Variants in MYO3B observed in about 807,000 individuals in gnomAD.
MYO3B encodes myosin IIIB.
A neutral mutation model predicts 174.6 loss-of-function variants in MYO3B; 156 were observed. The observed-to-expected ratio is 0.89, with a 90% CI of 0.78 to 1.02. The LOEUF (loss-of-function observed/expected upper bound fraction) is 1.02. Among genes scored for constraint, MYO3B ranks in the 50% least tolerant of loss-of-function variants. The pLI, the probability that MYO3B is intolerant of heterozygous loss-of-function variation, is 0.00. For synonymous variants in MYO3B, 563 were observed against 569.1 expected, an observed-to-expected ratio of 0.99 and a Z score of 0.15; for missense variants, 1,632 against 1,639.4, an observed-to-expected ratio of 1.00 and a Z score of 0.08.
At chr2:170,345,068 C>G (rs1446557691) in intron 8 of MYO3B, 1 of 152,238 alleles carries the variant, frequency 6.6e-6, no homozygotes, top group Non-Finnish European at 1.5e-5. Flanking sequence ...CTTGCCTGCT[C>G]TTCCAGTCTC....
chr2:170,653,221 T>C lies in MYO3B; in HGVS notation c.*100T>C, dbSNP rs886135851. The C allele has an allele frequency of 1.2e-5, 18 of 1,448,016 alleles. No individual in the cohort carries two copies. The African/African-American group carries it at 2.0e-4, about 16-fold the overall frequency. 89.7% of individuals were successfully genotyped at this position (1,448,016 alleles called of 1,614,324 possible). ...AAGCACTGATATGGGGTCAGCTTCT[T>C]TGGACATATGGTCCATGCCTGAACC... On this transcript the variant is annotated 3_prime_UTR_variant, in exon 35 of 35. Transcript: ENST00000408978.
At chr2:170,251,387 T>G (rs1205600934) in intron 7 of MYO3B, among the ~76,000 whole-genome samples, 1 of 152,094 alleles carries the variant, frequency 6.6e-6, no homozygotes, top group African/African-American at 2.4e-5. Context: ...GCACCATTTT[T>G]AGGAAAATGG....
chr2:170,311,089 GTGTGTATGCT>G (rs2093736122), intron 7 of MYO3B, among the ~76,000 whole-genome samples: 1 of 152,166 alleles, frequency 6.6e-6, no homozygotes, highest in African/African-American at 2.4e-5. Flanking sequence ...GAACATGCAT[GTGTGTATGCT>G]TGTTTGAATA....
chr2:170,411,812 T>C (rs558945307), intron 22 of MYO3B: 1 of 152,310 alleles, frequency 6.6e-6, no homozygotes, highest in African/African-American at 2.4e-5. Flanking sequence ...CCCCTTCTGC[T>C]TACACCTGGC....
In MYO3B at chr2:170,381,997, T is replaced by C; in HGVS notation, c.972-19T>C. The C allele has an allele frequency of 6.2e-7, 1 of 1,603,946 alleles. No individual in the cohort carries two copies. Among genetic ancestry groups the C allele is most frequent in the Non-Finnish European group, 8.5e-7 (1 of 1,171,512 alleles). ...TTATTTGCTGTCTTAATGCTTAAAC[T>C]CTCTTGATAAATTTCTAGGCATGAG... On this transcript the variant is annotated intron_variant, in intron 9 of 34. Transcript: ENST00000408978.
At chr2:170,619,716 G>A (rs1297007496) in intron 32 of MYO3B, among the ~76,000 whole-genome samples, 1 of 141,700 alleles carries the variant, frequency 7.1e-6, no homozygotes, top group African/African-American at 2.6e-5. Flanking sequence ...TAAAGTGATG[G>A]CCCATCACTG....
At chr2:170,265,908 A>G (rs979803808) in intron 7 of MYO3B, among the ~76,000 whole-genome samples, 2 of 152,246 alleles carry the variant, frequency 1.3e-5, no homozygotes, top group Non-Finnish European at 2.9e-5. Context: ...GTAGAAAAAA[A>G]TAGGAAAAAG....
chr2:170,247,113 A>AGGGT (rs1325485598), intron 7 of MYO3B, among the ~76,000 whole-genome samples: 1 of 152,328 alleles, frequency 6.6e-6, no homozygotes, highest in East Asian at 1.9e-4. Context: ...TGCAGTGCTC[A>AGGGT]GGGTGGAGAA....
chr2:170,236,453 T>C (rs2093071673), intron 7 of MYO3B, among the ~76,000 whole-genome samples: 2 of 152,244 alleles, frequency 1.3e-5, no homozygotes, highest in Admixed American at 6.5e-5. Context: ...GTAATCTGTC[T>C]AAATGCTAGT....
intron 32 of MYO3B, among the ~76,000 whole-genome samples, chr2:170,558,569 T>A (rs912696709): frequency 6.6e-6 from 1 of 152,222 alleles, no homozygotes; most frequent in Admixed American, 6.5e-5. Context: ...GACTTCTAGC[T>A]TTTTCTCTTT....
intron 28 of MYO3B, among the ~76,000 whole-genome samples, chr2:170,509,484 A>T (rs952574917): frequency 6.6e-6 from 1 of 152,256 alleles, no homozygotes; most frequent in African/African-American, 2.4e-5. Flanking sequence ...GAATTTTCCA[A>T]GTCTTAACTT....
At chr2:170,598,921 A>C (rs959500851) in intron 32 of MYO3B, among the ~76,000 whole-genome samples, 2 of 152,196 alleles carry the variant, frequency 1.3e-5, no homozygotes, top group Non-Finnish European at 2.9e-5. Flanking sequence ...TTGTAATTCT[A>C]ATTACAATTA....
chr2:170,386,360 T>C, intron 13 of MYO3B, 88 bp downstream of exon 13: 1 of 1,148,698 alleles, frequency 8.7e-7, no homozygotes, highest in Non-Finnish European at 1.3e-6. Context: ...GCTGGGTTTT[T>C]TTTATTAAGG....
chr2:170,567,336 T>A (rs1692132184), intron 32 of MYO3B, among the ~76,000 whole-genome samples: 1 of 152,214 alleles, frequency 6.6e-6, no homozygotes, highest in South Asian at 2.1e-4. Flanking sequence ...TGTGAATTTC[T>A]TTAAGATTCT....
intron 8 of MYO3B, among the ~76,000 whole-genome samples, chr2:170,357,878 C>T (rs956275972): frequency 5.3e-5 from 8 of 152,116 alleles, no homozygotes; most frequent in East Asian, 1.9e-4. Flanking sequence ...ACCAGCTGGG[C>T]GCAGTGGCTC....
chr2:170,248,440 A>C (rs773191888), intron 7 of MYO3B, among the ~76,000 whole-genome samples: 41 of 152,188 alleles, frequency 2.7e-4, no homozygotes, highest in Non-Finnish European at 5.1e-4. Flanking sequence ...ATTACCATAC[A>C]TTTAGTAGTA....
At chr2:170,555,514 T>C (rs1472211193) in intron 32 of MYO3B, among the ~76,000 whole-genome samples, 1 of 152,204 alleles carries the variant, frequency 6.6e-6, no homozygotes, top group East Asian at 1.9e-4. Context: ...TTTTTCAGAA[T>C]GTCATATAGT....
intron 6 of MYO3B, among the ~76,000 whole-genome samples, chr2:170,232,494 A>G (rs1279717863): frequency 6.6e-6 from 1 of 152,266 alleles, no homozygotes; most frequent in Non-Finnish European, 1.5e-5. Flanking sequence ...GAGCGTAGTC[A>G]AAATATGAGT....
intron 32 of MYO3B, among the ~76,000 whole-genome samples, chr2:170,613,423 T>C (rs1559159608): frequency 6.6e-6 from 1 of 152,192 alleles, no homozygotes; most frequent in Non-Finnish European, 1.5e-5. Context: ...AGCTCCACAT[T>C]AATCCTTCCT....
Sources: gnomAD v4.1 joint callset for allele counts (sites outside exome capture counted in the v4.1 genomes callset) on GRCh38, gnomAD v4.1.1 for gene constraint, MANE v1.5 for transcripts, NCBI Gene and HGNC (gene_info 2026-07-23, HGNC 2026-07-21) for gene names.